The following MAP2K6 variants were observed in gnomAD, a reference collection of about 807,000 sequenced individuals.
MAP2K6 encodes the protein mitogen-activated protein kinase kinase 6.
A neutral mutation model predicts 53.7 loss-of-function variants in MAP2K6; 16 were observed. The observed-to-expected ratio is 0.30, with a 90% CI of 0.20 to 0.45. MAP2K6 has a LOEUF of 0.45. MAP2K6 is among the 20% of genes least tolerant of loss of function. The pLI, the probability that MAP2K6 is intolerant of heterozygous loss-of-function variation, is 1.00. For missense variants in MAP2K6, 204 were observed against 411.9 expected (o/e 0.50, Z 4.37); for synonymous variants, 132 against 143.1 (o/e 0.92, Z 0.55).
chr17:69,535,513 C>T (rs918038367), intron 10 of MAP2K6, among the ~76,000 whole-genome samples: 4 of 152,044 alleles, frequency 2.6e-5, no homozygotes, highest in African/African-American at 9.7e-5. Flanking sequence ...ATCACCTGAG[C>T]CTAGGGAGGT....
chr17:69,479,908 T>A (rs538125519), intron 1 of MAP2K6, among the ~76,000 whole-genome samples: 2 of 152,140 alleles, frequency 1.3e-5, no homozygotes, highest in Non-Finnish European at 2.9e-5. Flanking sequence ...AATTTTTGTA[T>A]CTTTAGTACT....
intron 1 of MAP2K6, among the ~76,000 whole-genome samples, chr17:69,487,212 C>CA (rs1908574543): frequency 6.6e-6 from 1 of 152,112 alleles, no homozygotes; most frequent in South Asian, 2.1e-4. Flanking sequence ...CTAGTGGAAA[C>CA]AGACTTGTGA....
intron 1 of MAP2K6, among the ~76,000 whole-genome samples, chr17:69,425,586 C>T (rs1235283386): frequency 1.3e-5 from 2 of 152,194 alleles, no homozygotes; most frequent in Non-Finnish European, 2.9e-5. Context: ...TCTGGGCTTA[C>T]AAGCATGAGC....
intron 1 of MAP2K6, chr17:69,485,116 AGGT>A (rs1908482899): frequency 6.6e-6 from 1 of 152,222 alleles, no homozygotes; most frequent in East Asian, 1.9e-4. Context: ...ATCTCAATAA[AGGT>A]ATTTTAATAA....
intron 2 of MAP2K6, among the ~76,000 whole-genome samples, chr17:69,509,533 G>A (rs1446564017): frequency 6.6e-6 from 1 of 151,900 alleles, no homozygotes; most frequent in Non-Finnish European, 1.5e-5. Context: ...GAATCGTTAG[G>A]GTTTTCTATA....
intron 3 of MAP2K6, 72 bp from the exon 4 acceptor site, chr17:69,517,428 T>G (rs1387757659): frequency 1.1e-5 from 8 of 753,196 alleles, no homozygotes; most frequent in Non-Finnish European, 1.5e-5. Flanking sequence ...AGAAACGAGA[T>G]AGAGGATAAT....
chr17:69,520,017 A>G (rs959781675), intron 5 of MAP2K6: 11 of 421,302 alleles, frequency 2.6e-5, no homozygotes, highest in Admixed American at 4.3e-5. Context: ...GTTAGTAATT[A>G]GATTCCATTT....
chr17:69,429,939 G>A (rs1368296210), intron 1 of MAP2K6, among the ~76,000 whole-genome samples: 1 of 152,208 alleles, frequency 6.6e-6, no homozygotes, highest in Non-Finnish European at 1.5e-5. Flanking sequence ...ATAGTCGTGG[G>A]ACAGGTGATC....
chr17:69,452,237 G>A (rs1462405891), intron 1 of MAP2K6, among the ~76,000 whole-genome samples: 1 of 151,408 alleles, frequency 6.6e-6, no homozygotes, highest in Non-Finnish European at 1.5e-5. Flanking sequence ...GGATGCTGCT[G>A]AGTATTTGAT....
At chr17:69,517,684 G>A (rs2092265467) in intron 4 of MAP2K6, 71 bp downstream of exon 4, 2 of 1,050,236 alleles carry the variant, frequency 1.9e-6, no homozygotes, top group Admixed American at 6.1e-5. Flanking sequence ...TTGTCAACCA[G>A]CCCTTTTAAT....
intron 1 of MAP2K6, among the ~76,000 whole-genome samples, chr17:69,460,505 T>C (rs1179314132): frequency 6.6e-6 from 1 of 152,184 alleles, no homozygotes; most frequent in Admixed American, 6.5e-5. Context: ...ATGTCTGTGA[T>C]GGAGGACAGT....
At position 69,541,706 on chromosome 17, in the gene MAP2K6, A is replaced by G; in HGVS notation, c.958A>G (p.Lys320Glu). ...TCCATTTTTCACCCTACATGAATCC[A>G]AAGGAACAGATGTGGCATCTTTTGT... is the stretch of plus-strand genomic sequence containing the variant. ...QHPFFTLHES[K>E]GTDVASFVKL... Residue 320 changes from lysine (K) to glutamate (E), a missense_variant, in exon 12 of 12, where the codon AAA (lysine) becomes GAA (glutamate). By Grantham distance (56) the Lys-to-Glu change is moderately conservative. Coordinates refer to ENST00000590474, the MANE Select transcript of MAP2K6 (RefSeq NM_002758.4). 6.2e-7 allele frequency: 1 copy of G among 1,612,818 alleles called. No individual in the cohort carries two copies. The highest frequency in any genetic ancestry group is 8.5e-7 in the Non-Finnish European group (1 of 1,179,084).
chr17:69,454,805 A>T (rs1465547689), intron 1 of MAP2K6, among the ~76,000 whole-genome samples: 1 of 152,202 alleles, frequency 6.6e-6, no homozygotes, highest in Non-Finnish European at 1.5e-5. Context: ...TGATAAAAAT[A>T]TGTGGAAATT....
At chr17:69,510,815 CT>C (rs1909772727) in intron 2 of MAP2K6, among the ~76,000 whole-genome samples, 1 of 150,250 alleles carries the variant, frequency 6.7e-6, no homozygotes, top group Non-Finnish European at 1.5e-5. Flanking sequence ...TTTTTTTTCC[CT>C]GATACTGATA....
chr17:69,540,662 T>C (rs1378404239), intron 11 of MAP2K6, among the ~76,000 whole-genome samples: 1 of 152,088 alleles, frequency 6.6e-6, no homozygotes, highest in Non-Finnish European at 1.5e-5. Context: ...ATAAGACTTG[T>C]TATGTTTTTA....
At chr17:69,539,879 G>T (rs574172148) in intron 11 of MAP2K6, among the ~76,000 whole-genome samples, 1 of 152,274 alleles carries the variant, frequency 6.6e-6, no homozygotes, top group East Asian at 1.9e-4. Flanking sequence ...TGCTGTGTAT[G>T]TGGTGACTAA....
At chr17:69,511,279 T>A (rs1240161343) in intron 2 of MAP2K6, among the ~76,000 whole-genome samples, 1 of 152,192 alleles carries the variant, frequency 6.6e-6, no homozygotes, top group Non-Finnish European at 1.5e-5. Context: ...AGTCTCGTTG[T>A]TATTACTTTA....
intron 6 of MAP2K6, 143 bp downstream of exon 6, chr17:69,520,529 A>T (rs190650383): frequency 4.7e-6 from 3 of 634,998 alleles, no homozygotes; most frequent in African/African-American, 1.8e-5. Flanking sequence ...TGGATGGATA[A>T]ATACATGCTT....
intron 1 of MAP2K6, among the ~76,000 whole-genome samples, chr17:69,499,199 T>C (rs1858971): frequency 0.64 from 97,815 of 152,064 alleles, 31,646 homozygotes; most frequent in Middle Eastern, 0.75. Flanking sequence ...GTAATTCTAG[T>C]GTAAATAACA....
Sources: gnomAD v4.1 joint callset for allele counts (sites outside exome capture counted in the v4.1 genomes callset) on GRCh38, gnomAD v4.1.1 for gene constraint, MANE v1.5 for transcripts, NCBI Gene and HGNC (gene_info 2026-07-23, HGNC 2026-07-21) for gene names.